Variants in CACNA1E observed in about 807,000 individuals in gnomAD.
CACNA1E encodes the protein calcium voltage-gated channel subunit alpha1 E, also known as voltage-dependent R-type calcium channel subunit alpha-1E.
Under a neutral mutation model 259.2 loss-of-function variants are expected in CACNA1E, and 40 were observed. The ratio of observed to expected loss-of-function variants is 0.15; its 90% CI spans 0.12 to 0.20. CACNA1E has a LOEUF of 0.20. Ranked by LOEUF, CACNA1E falls within the 10% of genes least tolerant of loss-of-function variation. The pLI, the probability that CACNA1E is intolerant of heterozygous loss-of-function variation, is 1.00. For synonymous variants in CACNA1E, 1,104 were observed against 1,138.5 expected (o/e 0.97, Z 0.61); for missense variants, 1,874 against 3,040.1 (o/e 0.62, Z 9.02).
chr1:181,523,671 G>A (rs1667150992), intron 3 of CACNA1E, among the ~76,000 whole-genome samples: 1 of 152,156 alleles, frequency 6.6e-6, no homozygotes, highest in Admixed American at 6.5e-5. Context: ...CTCCTCCAAG[G>A]GATGGGGTTG....
chr1:181,490,591 T>G (rs1228447241), intron 1 of CACNA1E, among the ~76,000 whole-genome samples: 1 of 151,426 alleles, frequency 6.6e-6, no homozygotes, highest in African/African-American at 2.4e-5. Flanking sequence ...GAATCACTGT[T>G]GCAACTCTGC....
intron 3 of CACNA1E, among the ~76,000 whole-genome samples, chr1:181,536,730 T>A (rs1668197804): frequency 6.6e-6 from 1 of 152,246 alleles, no homozygotes; most frequent in East Asian, 1.9e-4. Context: ...GACCTGCTGC[T>A]GGATGGGTCA....
intron 2 of CACNA1E, among the ~76,000 whole-genome samples, chr1:181,421,967 C>T (rs1211904762): frequency 6.6e-6 from 1 of 152,184 alleles, no homozygotes; most frequent in Non-Finnish European, 1.5e-5. Flanking sequence ...TAACTCCTGG[C>T]CTCATCTACT....
intron 19 of CACNA1E, 67 bp downstream of exon 19, chr1:181,731,298 C>T (rs1655452954): frequency 1.5e-6 from 2 of 1,294,576 alleles, no homozygotes; most frequent in African/African-American, 2.9e-5. Flanking sequence ...GTGTCATTGT[C>T]CTTGCCATAG....
chr1:181,527,462 A>G (rs542853441), intron 3 of CACNA1E, among the ~76,000 whole-genome samples: 17 of 152,382 alleles, frequency 1.1e-4, no homozygotes, highest in African/African-American at 4.1e-4. Flanking sequence ...AGAGTCCTGG[A>G]ATCACTTCAT....
intron 1 of CACNA1E, among the ~76,000 whole-genome samples, chr1:181,409,523 G>A (rs998323979): frequency 6.6e-6 from 1 of 152,172 alleles, no homozygotes; most frequent in Non-Finnish European, 1.5e-5. Flanking sequence ...TCAGTACTAG[G>A]TGCTGGGTAT....
At chr1:181,514,134 A>G (rs1666370431) in intron 3 of CACNA1E, among the ~76,000 whole-genome samples, 3 of 152,188 alleles carry the variant, frequency 2.0e-5, no homozygotes, top group African/African-American at 7.2e-5. Context: ...GATCATATTT[A>G]GTCTTACAGT....
chr1:181,641,188 G>C (rs1248835725), intron 6 of CACNA1E, among the ~76,000 whole-genome samples: 1 of 152,202 alleles, frequency 6.6e-6, no homozygotes, highest in Non-Finnish European at 1.5e-5. Context: ...CTAATTGCTG[G>C]GGGAATTCTG....
At chr1:181,672,655 G>A (rs1387455561) in intron 7 of CACNA1E, among the ~76,000 whole-genome samples, 1 of 152,160 alleles carries the variant, frequency 6.6e-6, no homozygotes, top group Non-Finnish European at 1.5e-5. Flanking sequence ...TTCATTTCTG[G>A]CCCCCTTTCC....
chr1:181,511,936 G>A (rs1281815182), intron 3 of CACNA1E, among the ~76,000 whole-genome samples: 2 of 152,232 alleles, frequency 1.3e-5, no homozygotes. Context: ...TTTGGGCGTT[G>A]GAGAAGACCT....
intron 7 of CACNA1E, among the ~76,000 whole-genome samples, chr1:181,672,193 A>G (rs748329767): frequency 9.2e-5 from 14 of 152,228 alleles, no homozygotes; most frequent in Non-Finnish European, 1.5e-4. Flanking sequence ...ATGAGAATTC[A>G]TGAGCACAAA....
At chr1:181,570,786 G>A (rs982672124) in intron 3 of CACNA1E, among the ~76,000 whole-genome samples, 2 of 152,092 alleles carry the variant, frequency 1.3e-5, no homozygotes, top group Non-Finnish European at 1.5e-5. Context: ...ATTGTGCCTC[G>A]AGTCCACCTG....
intron 7 of CACNA1E, among the ~76,000 whole-genome samples, 153 bp from the exon 8 acceptor site, chr1:181,710,801 A>C (rs745493858): frequency 2.6e-5 from 4 of 152,196 alleles, no homozygotes; most frequent in Non-Finnish European, 5.9e-5. Context: ...TAACATTGTA[A>C]GGAGGTCATA....
intron 6 of CACNA1E, among the ~76,000 whole-genome samples, chr1:181,626,221 C>T (rs535057304): frequency 2.0e-5 from 3 of 152,178 alleles, no homozygotes; most frequent in Admixed American, 6.5e-5. Context: ...CACAGAAACA[C>T]GAAGCGAGCA....
intron 7 of CACNA1E, among the ~76,000 whole-genome samples, chr1:181,706,878 C>T (rs1211650972): frequency 2.0e-5 from 3 of 152,198 alleles, no homozygotes; most frequent in Non-Finnish European, 4.4e-5. Context: ...AAATAATTTA[C>T]ATGAAAATGA....
At chr1:181,378,880 A>G (rs1655277713) in intron 1 of CACNA1E, among the ~76,000 whole-genome samples, 1 of 152,248 alleles carries the variant, frequency 6.6e-6, no homozygotes, top group African/African-American at 2.4e-5. Context: ...CCAAGTAATT[A>G]GATCTCAGAA....
exon 2 of CACNA1E, chr1:181,413,170 G>C (rs1258795311): frequency 6.5e-6 from 1 of 152,894 alleles, no homozygotes; most frequent in Non-Finnish European, 1.5e-5. Context: ...TGCGTGGACT[G>C]AGCCCAGACC....
intron 3 of CACNA1E, among the ~76,000 whole-genome samples, chr1:181,525,015 A>G (rs1224632689): frequency 6.6e-6 from 1 of 152,250 alleles, no homozygotes; most frequent in Non-Finnish European, 1.5e-5. Context: ...TGTGTACAAA[A>G]CATTTTGCTA....
At chr1:181,763,192 A>G (rs1467697188) in intron 33 of CACNA1E, among the ~76,000 whole-genome samples, 1 of 152,118 alleles carries the variant, frequency 6.6e-6, no homozygotes, top group African/African-American at 2.4e-5. Context: ...TCTCCAGTAC[A>G]TCCTTTACCC....
Sources: gnomAD v4.1 joint callset for allele counts (sites outside exome capture counted in the v4.1 genomes callset) on GRCh38, gnomAD v4.1.1 for gene constraint, MANE v1.5 for transcripts, NCBI Gene and HGNC (gene_info 2026-07-23, HGNC 2026-07-21) for gene names.